Variants in ALKBH5 observed in about 807,000 individuals in gnomAD.
The protein encoded by ALKBH5 is RNA demethylase ALKBH5.
In ALKBH5, 2 loss-of-function variants were observed where a neutral mutation model predicts 32.1. The observed-to-expected ratio is 0.06, with a 90% confidence interval of 0.03 to 0.20. The LOEUF (loss-of-function observed/expected upper bound fraction) is 0.20, where lower values mean the gene tolerates loss of function less well. Among genes scored for constraint, ALKBH5 ranks in the 10% least tolerant of loss-of-function variants. ALKBH5 has a pLI of 1.00. For missense variants in ALKBH5, 352 were observed against 559.5 expected, an observed-to-expected ratio of 0.63 and a Z score of 3.74; for synonymous variants, 300 against 231.7, an observed-to-expected ratio of 1.29 and a Z score of -2.68.
chr17:18,208,707 T>C lies in ALKBH5; in HGVS notation c.*311T>C, dbSNP rs2047286407. On this transcript the variant is annotated 3_prime_UTR_variant, in exon 4 of 4. Coordinates refer to ENST00000399138, the MANE Select transcript of ALKBH5 (RefSeq NM_017758.4). ...AGAGCAGCCATCTTTTAAGTGGGGC[T>C]GTATCAGGCTGGGTTTATTTAAAAG... 2 of 479,324 alleles carry C rather than the reference T, an allele frequency of 4.2e-6. No individual in the cohort carries two copies. The highest frequency in any genetic ancestry group is 8.9e-5 in the East Asian group (2 of 22,504). The allele number at this position is 479,324 out of a possible 1,614,324, so 29.7% of individuals were successfully genotyped here.
At chr17:18,197,294 C>T (rs1440214283) in intron 2 of ALKBH5, among the ~76,000 whole-genome samples, 1 of 152,140 alleles carries the variant, frequency 6.6e-6, no homozygotes, top group East Asian at 1.9e-4. Flanking sequence ...TTTTATCTGC[C>T]TTGTACTTTA....
intron 1 of ALKBH5, among the ~76,000 whole-genome samples, chr17:18,190,374 A>G (rs1437763775): frequency 6.6e-6 from 1 of 152,184 alleles, no homozygotes; most frequent in South Asian, 2.1e-4. Context: ...AGATGGTGAA[A>G]GCCCGTCTCT....
At position 18,184,446 on chromosome 17, in the gene ALKBH5, G is replaced by C. The variant is rs1422958161; in HGVS notation, c.203G>C (p.Arg68Pro). 3 of 1,607,912 alleles carry C rather than the reference G, an allele frequency of 1.9e-6. No homozygotes were observed. The highest frequency in any genetic ancestry group is 2.5e-6 in the Non-Finnish European group (3 of 1,177,626). The stretch of plus-strand genomic sequence containing the variant: ...TATCAGGAGGACTCGGACCCCGAGC[G>C]CAGCGACTATGAGGAGCAGCAGCTG... ...RKYQEDSDPE[R>P]SDYEEQQLQK... The change falls in exon 1 of 4, where the codon CGC (arginine) becomes CCC (proline). Residue 68 changes from arginine (R) to proline (P), a missense_variant. Around this residue, in one of 4 missense-constraint regions of ALKBH5, gnomAD observed 144 missense variants for 125.8 expected, o/e 1.14. Transcript: ENST00000399138.
rs1317831520 is a variant in ALKBH5, at chr17:18,183,944, GC to G, written c.-298del. 1 of 592,670 alleles carries G rather than the reference GC, an allele frequency of 1.7e-6. No individual in the cohort carries two copies. 36.7% of individuals were successfully genotyped at this position (592,670 alleles called of 1,614,324 possible). A position where few individuals can be genotyped will look rare whatever the true frequency, so the allele number is the denominator to read the frequency against. On this transcript the variant is annotated 5_prime_UTR_variant, in exon 1 of 4. Coordinates refer to ENST00000399138, the MANE Select transcript of ALKBH5 (RefSeq NM_017758.4). The stretch of plus-strand genomic sequence containing the variant: ...GTCCGAGGGTCTGGTCGGGAGTCGG[GC>G]CGCGTCTCCGCAGCAGCCCTCCGCG...
chr17:18,202,406 A>G (rs2047247442), intron 2 of ALKBH5, among the ~76,000 whole-genome samples: 1 of 152,104 alleles, frequency 6.6e-6, no homozygotes. Context: ...AGTGGGTACT[A>G]CTGCAGGAGA....
intron 2 of ALKBH5, among the ~76,000 whole-genome samples, chr17:18,200,932 G>A (rs1051817596): frequency 6.6e-6 from 1 of 152,250 alleles, no homozygotes; most frequent in Admixed American, 6.5e-5. Flanking sequence ...GTGGAGGCAT[G>A]TGAGCAGTGG....
chr17:18,200,227 G>C (rs976829754), intron 2 of ALKBH5, among the ~76,000 whole-genome samples: 1 of 151,848 alleles, frequency 6.6e-6, no homozygotes, highest in Admixed American at 6.6e-5. Flanking sequence ...TAAGCTCAAA[G>C]GCTAGGAGGC....
intron 2 of ALKBH5, among the ~76,000 whole-genome samples, chr17:18,201,768 T>G (rs990361893): frequency 1.5e-5 from 2 of 135,654 alleles, no homozygotes; most frequent in African/African-American, 5.5e-5. Context: ...GATAGATAGA[T>G]AGATAGATAG....
intron 2 of ALKBH5, among the ~76,000 whole-genome samples, chr17:18,205,182 C>T (rs17732024): frequency 0.07 from 10,687 of 152,250 alleles, 480 homozygotes; most frequent in Non-Finnish European, 0.1. Context: ...ACCCTCAGCG[C>T]AAAGAAGCCT....
chr17:18,196,901 AT>A (rs1567675678), intron 2 of ALKBH5, among the ~76,000 whole-genome samples: 1 of 152,124 alleles, frequency 6.6e-6, no homozygotes, highest in Non-Finnish European at 1.5e-5. Context: ...ATATAAGTAT[AT>A]TTTTTATGTA....
rs530236655 is a variant in ALKBH5, at chr17:18,199,728, A to AG, written c.851+4693_851+4694insG. 4.0e-3 allele frequency among the ~76,000 whole-genome samples: 608 copies of AG among 152,246 alleles called. 2 individuals are homozygous for AG. The highest frequency in any genetic ancestry group is 4.8e-3 in the Non-Finnish European group (326 of 68,028). On this transcript the variant is annotated intron_variant, in intron 2 of 3. Transcript: ENST00000399138. The stretch of plus-strand genomic sequence containing the variant: ...GGTGCTTCACATGTAATAAGTTTGC[A>AG]CTTTGCCTGCCATTCCAACACAAAG...
intron 2 of ALKBH5, among the ~76,000 whole-genome samples, chr17:18,201,794 AAGAT>A (rs57735712): frequency 0.072 from 9,630 of 134,296 alleles, 367 homozygotes; most frequent in Admixed American, 0.097. Context: ...TAGGATAGAT[AAGAT>A]AGATAGATAG....
intron 1 of ALKBH5, among the ~76,000 whole-genome samples, chr17:18,194,330 T>G (rs1285711518): frequency 6.6e-6 from 1 of 152,120 alleles, no homozygotes; most frequent in Non-Finnish European, 1.5e-5. Context: ...ATTTTTGTAT[T>G]TTTAGTAGAG....
intron 2 of ALKBH5, among the ~76,000 whole-genome samples, chr17:18,204,549 C>A (rs1597842482): frequency 6.6e-6 from 1 of 151,822 alleles, no homozygotes. Context: ...ATCGCTTGAG[C>A]CCCAGTGTTT....
Position 18,208,863 on chromosome 17 carries a change from G to A in ALKBH5, c.*467G>A, listed in dbSNP as rs968838017. The A allele has an allele frequency of 7.3e-6, 2 of 273,010 alleles. No homozygotes were observed. The highest frequency in any genetic ancestry group is 1.0e-4 in the Admixed American group (2 of 19,312). 16.9% of individuals were successfully genotyped at this position (273,010 alleles called of 1,614,324 possible). A position where few individuals can be genotyped will look rare whatever the true frequency, so the allele number is the denominator to read the frequency against. ...CTGCACTTGGTTGAGGTCTCCTGGAGCCTCACAGGCTCTGCTGTTCTCCAC... is the reference window on the plus strand; with the variant it reads ...CTGCACTTGGTTGAGGTCTCCTGGAACCTCACAGGCTCTGCTGTTCTCCAC... On this transcript the variant is annotated 3_prime_UTR_variant, in exon 4 of 4. Coordinates refer to ENST00000399138, the MANE Select transcript of ALKBH5 (RefSeq NM_017758.4).
intron 1 of ALKBH5, among the ~76,000 whole-genome samples, chr17:18,192,518 C>T (rs1450084319): frequency 6.6e-6 from 1 of 152,160 alleles, no homozygotes; most frequent in Admixed American, 6.5e-5. Flanking sequence ...AATGAATACC[C>T]AAGAACCTAC....
At chr17:18,203,620 G>A (rs1224515542) in intron 2 of ALKBH5, among the ~76,000 whole-genome samples, 1 of 152,228 alleles carries the variant, frequency 6.6e-6, no homozygotes, top group Non-Finnish European at 1.5e-5. Flanking sequence ...CTAGAACTGA[G>A]CCTCCTGAAT....
Position 18,183,903 on chromosome 17 carries a change from G to A in ALKBH5, c.-341G>A. The A allele has an allele frequency of 6.1e-6, 3 of 494,200 alleles. No individual in the cohort carries two copies. Among genetic ancestry groups the A allele is most frequent in the South Asian group, 5.0e-5 (3 of 59,944 alleles). The allele number at this position is 494,200 out of a possible 1,614,324, so 30.6% of individuals were successfully genotyped here. ...GACGTCGTGCGGAGAGCTTTAAAGT[G>A]CGGGCCGGGCCGGGCGTCCGAGGGT... On this transcript the variant is annotated 5_prime_UTR_variant, in exon 1 of 4. Coordinates refer to ENST00000399138, the MANE Select transcript of ALKBH5 (RefSeq NM_017758.4).
At chr17:18,187,772 C>G (rs1013257135) in intron 1 of ALKBH5, among the ~76,000 whole-genome samples, 2 of 152,038 alleles carry the variant, frequency 1.3e-5, no homozygotes, top group African/African-American at 4.8e-5. Context: ...AGATCCTAGC[C>G]CAGAGGTGAT....
Sources: gnomAD v4.1 joint callset for allele counts (sites outside exome capture counted in the v4.1 genomes callset) on GRCh38, gnomAD v4.1.1 for gene constraint, gnomAD v4.1.1 regional missense constraint, MANE v1.5 for transcripts, NCBI Gene and HGNC (gene_info 2026-07-23, HGNC 2026-07-21) for gene names.